Variants in VPS39 observed in about 807,000 individuals in gnomAD.
VPS39 encodes the protein VPS39 subunit of HOPS complex.
VPS39 carries 70 observed loss-of-function variants against 121.0 expected under a neutral mutation model. The observed-to-expected ratio is 0.58, with a 90% confidence interval of 0.48 to 0.71. The LOEUF is 0.71. VPS39 is among the 30% of genes least tolerant of loss of function. VPS39 has a pLI of 0.00. For missense variants in VPS39, 818 were observed against 1,051.5 expected, an observed-to-expected ratio of 0.78 and a Z score of 3.07; for synonymous variants, 378 against 398.1, an observed-to-expected ratio of 0.95 and a Z score of 0.60.
At chr15:42,197,803 C>G (rs1474728116) in intron 2 of VPS39, among the ~76,000 whole-genome samples, 2 of 152,042 alleles carry the variant, frequency 1.3e-5, no homozygotes, top group East Asian at 3.9e-4. Context: ...GACAGTCTAC[C>G]CAAAGACCTA....
At chr15:42,189,236 A>G in intron 4 of VPS39, 28 bp from the exon 5 acceptor site, 1 of 1,559,500 alleles carries the variant, frequency 6.4e-7, no homozygotes, top group Non-Finnish European at 8.8e-7. Context: ...TAACATCAGG[A>G]TCAATGATCA....
intron 10 of VPS39, among the ~76,000 whole-genome samples, chr15:42,175,899 G>A (rs188367710): frequency 1.1e-3 from 172 of 152,090 alleles, no homozygotes; most frequent in African/African-American, 3.6e-3. Context: ...ATTCTTAAAC[G>A]GTCAACTCAA....
At chr15:42,170,872 C>T (rs2049335122) in intron 11 of VPS39, among the ~76,000 whole-genome samples, 1 of 148,656 alleles carries the variant, frequency 6.7e-6, no homozygotes, top group Non-Finnish European at 1.5e-5. Flanking sequence ...GCTGGGACTA[C>T]AGGCATGTAC....
In VPS39 at chr15:42,178,324, T is replaced by C. The variant is rs763625750; in HGVS notation, c.854A>G (p.Tyr285Cys). 3.7e-6 allele frequency: 6 copies of C among 1,614,082 alleles called. No individual in the cohort carries two copies. The East Asian group carries it at 6.7e-5, about 18-fold the overall frequency. ...FITSGGSNIIYVASNHFVWRL... is the reference protein window; with the variant it reads ...FITSGGSNIICVASNHFVWRL... ...CCAAACAAAATGATTGCTGGCCACA[T>C]AGATAATGTTTGATCTGGAAGCAAG... The change falls in exon 10 of 25, where the codon TAT becomes TGT. Residue 285 changes from tyrosine to cysteine, a missense_variant. Tyr to Cys is a radical substitution (Grantham distance 194). Coordinates refer to ENST00000318006, the MANE Select transcript of VPS39 (RefSeq NM_015289.5).
chr15:42,199,701 C>A, intron 2 of VPS39, 195 bp downstream of exon 2: 1 of 572,528 alleles, frequency 1.7e-6, no homozygotes, highest in Non-Finnish European at 3.1e-6. Context: ...TTCATCCTCA[C>A]CTCCCAAATG....
chr15:42,162,195 G>C, intron 22 of VPS39, 29 bp from the exon 23 acceptor site: 1 of 1,613,744 alleles, frequency 6.2e-7, no homozygotes, highest in East Asian at 2.2e-5. Context: ...ATAGGGACTG[G>C]GTGAGGTGAA....
Position 42,198,990 on chromosome 15 carries a change from T to A in VPS39, c.139+906A>T, listed in dbSNP as rs1424173219. Reference sequence around the variant, plus strand: ...ACCAGGATATCTTCTCTTTCCCGAGTGCACTAGTAAGGTGCTTTTTCCCCC... The same window carrying A: ...ACCAGGATATCTTCTCTTTCCCGAGAGCACTAGTAAGGTGCTTTTTCCCCC... On this transcript the variant is annotated intron_variant, in intron 2 of 24. Transcript: ENST00000318006. Among the ~76,000 whole-genome samples the A allele has an allele frequency of 2.6e-5, 4 of 152,230 alleles. No individual in the cohort carries two copies. The East Asian group carries it at 7.7e-4, about 29-fold the overall frequency.
intron 1 of VPS39, among the ~76,000 whole-genome samples, chr15:42,200,496 C>T (rs2050044926): frequency 6.6e-6 from 1 of 152,036 alleles, no homozygotes; most frequent in South Asian, 2.1e-4. Flanking sequence ...AATGACGTAA[C>T]ATAATAAGCT....
At chr15:42,191,882 G>C (rs1338483080) in intron 2 of VPS39, among the ~76,000 whole-genome samples, 1 of 152,150 alleles carries the variant, frequency 6.6e-6, no homozygotes, top group African/African-American at 2.4e-5. Flanking sequence ...TGTTCCACAA[G>C]GAAGGGTGTA....
intron 11 of VPS39, among the ~76,000 whole-genome samples, chr15:42,170,422 G>C (rs1189810893): frequency 1.3e-5 from 2 of 152,150 alleles, no homozygotes; most frequent in African/African-American, 4.8e-5. Flanking sequence ...AGGATCGCTT[G>C]AGCCCAGGAG....
At chr15:42,161,032 G>A in intron 24 of VPS39, 5 of 595,322 alleles carry the variant, frequency 8.4e-6, no homozygotes, top group Non-Finnish European at 1.5e-5. Context: ...AGGATGAGGT[G>A]CACACAGTTA....
intron 10 of VPS39, 96 bp from the exon 11 acceptor site, chr15:42,173,948 C>G: frequency 6.8e-7 from 1 of 1,468,758 alleles, no homozygotes; most frequent in Non-Finnish European, 9.3e-7. Context: ...GCTACAGACA[C>G]CAAAGTGTAC....
chr15:42,190,724 T>C (rs1480031126), intron 4 of VPS39, among the ~76,000 whole-genome samples: 5 of 152,198 alleles, frequency 3.3e-5, no homozygotes, highest in African/African-American at 1.2e-4. Flanking sequence ...ATTACCAAGA[T>C]TCCACAACAC....
At chr15:42,204,159 AAAGATAAGT>A (rs1387116403) in intron 1 of VPS39, among the ~76,000 whole-genome samples, 2 of 152,236 alleles carry the variant, frequency 1.3e-5, no homozygotes, top group Non-Finnish European at 2.9e-5. Flanking sequence ...CAGGGACCAC[AAAGATAAGT>A]AAGATAGTAG....
chr15:42,178,653 C>G, intron 8 of VPS39, 83 bp from the exon 9 acceptor site: 2 of 1,551,586 alleles, frequency 1.3e-6, no homozygotes, highest in Non-Finnish European at 1.8e-6. Flanking sequence ...TTCTAAGATA[C>G]ATTTAAATGG....
rs2140859331 is a variant in VPS39, at chr15:42,178,538, G to C, written c.751C>G (p.Pro251Ala). The C allele has an allele frequency of 6.2e-7, 1 of 1,614,104 alleles. No homozygotes were observed. The highest frequency in any genetic ancestry group is 1.1e-5 in the South Asian group (1 of 91,076). ...HQPPYIIAVL[P>A]RYVEIRTFEP... ...AATGTTCGGATCTCAACATATCGAG[G>C]CAACACTGCAATGATGTAGGGAGGC... Residue 251 changes from proline (P) to alanine (A), a missense_variant, in exon 9 of 25, where the codon CCT becomes GCT. Physicochemically the swap from Pro to Ala is conservative, Grantham distance 27. Coordinates refer to ENST00000318006, the MANE Select transcript of VPS39 (RefSeq NM_015289.5).
In VPS39 at chr15:42,169,724, C is replaced by G. The variant is rs2049310888; in HGVS notation, c.1233G>C (p.Gln411His). ...TTCACGCACTCTGTACTATACCTACCTGTGTCAGGTAGTCAATCAGAGCTA... is the reference window on the plus strand; with the variant it reads ...TTCACGCACTCTGTACTATACCTACGTGTGTCAGGTAGTCAATCAGAGCTA... ...AHLALIDYLT[Q>H]KRSQLVKKLN... The change falls in exon 12 of 25, where the codon CAG (glutamine) becomes CAC (histidine). Residue 411 changes from glutamine to histidine, a missense_variant and splice_region_variant. Gln to His is a conservative substitution (Grantham distance 24). Coordinates refer to ENST00000318006, the MANE Select transcript of VPS39 (RefSeq NM_015289.5). 6.2e-7 allele frequency: 1 copy of G among 1,613,794 alleles called. No homozygotes were observed. The highest frequency in any genetic ancestry group is 8.5e-7 in the Non-Finnish European group (1 of 1,179,990).
chr15:42,204,517 G>T (rs1209590610), intron 1 of VPS39, among the ~76,000 whole-genome samples: 1 of 152,174 alleles, frequency 6.6e-6, no homozygotes, highest in African/African-American at 2.4e-5. Flanking sequence ...AGGTATGGTG[G>T]TGGGTGGCAG....
chr15:42,168,640 T>C (rs1226904737), intron 12 of VPS39, among the ~76,000 whole-genome samples: 4 of 150,994 alleles, frequency 2.6e-5, no homozygotes, highest in South Asian at 2.1e-4. Context: ...GCCTCCTGAG[T>C]TCAAGCAATT....
Sources: gnomAD v4.1 joint callset for allele counts (sites outside exome capture counted in the v4.1 genomes callset) on GRCh38, gnomAD v4.1.1 for gene constraint, MANE v1.5 for transcripts, NCBI Gene and HGNC (gene_info 2026-07-23, HGNC 2026-07-21) for gene names.